The following OTOG variants were observed in gnomAD, a reference collection of about 807,000 sequenced individuals.
OTOG encodes otogelin.
OTOG carries 296 observed loss-of-function variants against 313.8 expected under a neutral mutation model. That is an observed-to-expected ratio of 0.94 (90% CI 0.86 to 1.04). The LOEUF (loss-of-function observed/expected upper bound fraction) is 1.04. OTOG is among the 50% of genes least tolerant of loss of function. The probability of loss-of-function intolerance (pLI) is 0.00; values close to 1 mark genes in which losing one functional copy is unlikely to be tolerated. For synonymous variants in OTOG, 1,533 were observed against 1,554.9 expected (o/e 0.99, Z 0.33); for missense variants, 3,948 against 3,840.1 (o/e 1.03, Z -0.74).
chr11:17,634,595 G>C (rs188072989), intron 44 of OTOG, among the ~76,000 whole-genome samples: 5 of 152,100 alleles, frequency 3.3e-5, no homozygotes, highest in African/African-American at 1.2e-4. Flanking sequence ...AAGATCGATC[G>C]GGCCCATCTT....
chr11:17,633,708 C>T lies in OTOG; in HGVS notation c.7101C>T (p.Tyr2367=), dbSNP rs1854188388. The change falls in exon 43 of 56, where the codon TAC becomes TAT. Residue 2367 remains tyrosine, a synonymous_variant. Coordinates refer to ENST00000399397, the MANE Select transcript of OTOG (RefSeq NM_001292063.2). ...TCCTGTGCTCCAGCGACTCCACATA[C>T]CAGGCATGTGTGACAGCCTGTGAGC... The part of the protein sequence containing the change: ...CPFLCSSDST[Y]QACVTACEPP... 1.3e-6 allele frequency: 2 copies of T among 1,547,414 alleles called. No homozygotes were observed. The highest frequency in any genetic ancestry group is 1.7e-6 in the Non-Finnish European group (2 of 1,145,474).
chr11:17,568,910 G>T (rs979231410), intron 15 of OTOG, among the ~76,000 whole-genome samples: 1 of 152,224 alleles, frequency 6.6e-6, no homozygotes, highest in African/African-American at 2.4e-5. Context: ...TAACCTGAGA[G>T]TTGACTACCA....
rs117542870 is a variant in OTOG at position 17,618,494 on chromosome 11, T to C, written c.6528+4793T>C. ...TACATTTAGTAAGATTTATTTTATG[T>C]CCGAGAATATGCTCTAAGTAAGTGT... On this transcript the variant is annotated intron_variant, in intron 39 of 55. Coordinates refer to ENST00000399397, the MANE Select transcript of OTOG (RefSeq NM_001292063.2). Among the ~76,000 whole-genome samples, 487 of 152,342 alleles carry C rather than the reference T, an allele frequency of 3.2e-3. 2 individuals carry two copies. The highest frequency in any genetic ancestry group is 4.9e-3 in the Non-Finnish European group (335 of 68,030).
intron 7 of OTOG, among the ~76,000 whole-genome samples, chr11:17,556,306 C>T (rs1852056615): frequency 6.6e-6 from 1 of 152,168 alleles, no homozygotes; most frequent in Non-Finnish European, 1.5e-5. Context: ...TGTCAGTTAT[C>T]TTGCTGGGCC....
In OTOG at chr11:17,610,206, C is replaced by T. The variant is rs554471881; in HGVS notation, c.4906C>T (p.Gln1636Ter). Residue 1636 changes from glutamine to a stop codon, truncating the protein, a stop_gained, in exon 36 of 56, where the codon CAG (glutamine) becomes TAG (stop). Transcript: ENST00000399397. LOFTEE classifies it high-confidence loss of function. ...GSLPVRTTPP[Q>*]PSLTASPSSR... ...CTTGCCTGTTAGGACGACACCCCCA[C>T]AGCCCTCCTTGACAGCAAGTCCCTC... 6.4e-7 allele frequency: 1 copy of T among 1,550,550 alleles called. No individual in the cohort carries two copies. The highest frequency in any genetic ancestry group is 2.4e-5 in the East Asian group (1 of 40,914).
At chr11:17,613,195 T>TTTTCTTTCTTTCTTTCTTTCTTTCTTTC (rs1191747829) in intron 38 of OTOG, among the ~76,000 whole-genome samples, 33 of 65,364 alleles carry the variant, frequency 5.0e-4, no homozygotes, top group East Asian at 1.5e-3. Context: ...TCTTTCTTTC[T>TTTTCTTTCTTTCTTTCTTTCTTTCTTTC]TTTCTTTCTT....
chr11:17,547,556 A>T (rs1851836198), intron 1 of OTOG, 90 bp downstream of exon 1: 3 of 1,271,668 alleles, frequency 2.4e-6, no homozygotes, highest in Non-Finnish European at 3.0e-6. Flanking sequence ...GGTTGGAGAG[A>T]GGGAGGAAAG....
At chr11:17,576,733 C>G (rs1852536358) in intron 21 of OTOG, 103 bp downstream of exon 21, 5 of 1,453,060 alleles carry the variant, frequency 3.4e-6, no homozygotes, top group Non-Finnish European at 4.7e-6. Context: ...ACACCCAGCC[C>G]TGCTCTGTGC....
chr11:17,557,345 T>A, intron 8 of OTOG, 22 bp downstream of exon 8: 3 of 1,548,620 alleles, frequency 1.9e-6, no homozygotes, highest in South Asian at 2.4e-5. Flanking sequence ...ACAGGTGGCC[T>A]CTGAGGGGTG....
intron 15 of OTOG, among the ~76,000 whole-genome samples, chr11:17,568,218 C>G (rs1163123128): frequency 3.3e-5 from 5 of 152,146 alleles, no homozygotes; most frequent in Admixed American, 3.3e-4. Context: ...GTAACACTTT[C>G]TTAATCAGAT....
At position 17,573,127 on chromosome 11, in the gene OTOG, G is replaced by T; in HGVS notation, c.2130G>T (p.Ala710=). The T allele has an allele frequency of 6.5e-7, 1 of 1,547,230 alleles. No individual in the cohort carries two copies. The change falls in exon 19 of 56, where the codon GCG becomes GCT. Residue 710 remains alanine, a synonymous_variant. Transcript: ENST00000399397. ...ACSVLTGEMF[A]PCSAFLSPVP... ...GCGTGCTCACGGGGGAGATGTTTGC[G>T]CCCTGCTCTGCGTTCCTGAGCCCCG...
At chr11:17,574,489 T>C (rs1319663280) in intron 19 of OTOG, among the ~76,000 whole-genome samples, 7 of 152,126 alleles carry the variant, frequency 4.6e-5, no homozygotes, top group Admixed American at 4.6e-4. Context: ...AGGCTGAACT[T>C]GGTAGAAGGA....
rs887476134 is a variant in OTOG, at chr11:17,558,570, G to GC, written c.1035dup (p.Phe346LeufsTer2). ...ACGAGCAGTGTGAGGCTCTACTGCG[G>GC]CCCCCCTTTGACGCCTGCCACGCCT... On this transcript the variant is annotated frameshift_variant, in exon 10 of 56. Coordinates refer to ENST00000399397, the MANE Select transcript of OTOG (RefSeq NM_001292063.2). LOFTEE classifies it high-confidence loss of function. 2 of 1,550,332 alleles carry GC rather than the reference G, an allele frequency of 1.3e-6. No homozygotes were observed. The highest frequency in any genetic ancestry group is 2.4e-5 in the East Asian group (1 of 40,924).
In OTOG at chr11:17,586,600, C is replaced by T. The variant is rs1590021367; in HGVS notation, c.2867+19C>T. On this transcript the variant is annotated intron_variant, in intron 24 of 55. Coordinates refer to ENST00000399397, the MANE Select transcript of OTOG (RefSeq NM_001292063.2). Reference sequence around the variant, plus strand: ...ATACCTGGTAAGTGAGGGTCCCAAGCAGGCTTTGCTTTTTTGCTGGGAGGG... The same window carrying T: ...ATACCTGGTAAGTGAGGGTCCCAAGTAGGCTTTGCTTTTTTGCTGGGAGGG... The T allele has an allele frequency of 1.5e-6, 2 of 1,339,566 alleles. No individual in the cohort carries two copies. Among genetic ancestry groups the T allele is most frequent in the East Asian group, 3.0e-5 (1 of 33,142 alleles). 83.0% of individuals were successfully genotyped at this position (1,339,566 alleles called of 1,614,324 possible). A position where few individuals can be genotyped will look rare whatever the true frequency, so the allele number is the denominator to read the frequency against.
At chr11:17,640,506 C>G (rs1847946226) in intron 49 of OTOG, among the ~76,000 whole-genome samples, 1 of 152,234 alleles carries the variant, frequency 6.6e-6, no homozygotes, top group Admixed American at 6.5e-5. Context: ...GTGTGAGCCA[C>G]CCGGGGCTCT....
intron 39 of OTOG, among the ~76,000 whole-genome samples, chr11:17,626,814 ATCATAAAGCTCTT>A (rs139716010): frequency 0.14 from 21,494 of 152,034 alleles, 1,632 homozygotes; most frequent in Non-Finnish European, 0.18. Flanking sequence ...TATCATTTTC[ATCATAAAGCTCTT>A]TCACTTCTTT....
chr11:17,560,981 C>T (rs1025518714), intron 13 of OTOG, 110 bp from the exon 14 acceptor site: 3 of 1,316,034 alleles, frequency 2.3e-6, no homozygotes, highest in Middle Eastern at 1.8e-4. Flanking sequence ...GAAATCTCTA[C>T]CACCCATTTT....
intron 37 of OTOG, 69 bp from the exon 38 acceptor site, chr11:17,612,551 C>G: frequency 1.3e-6 from 2 of 1,490,660 alleles, no homozygotes; most frequent in Admixed American, 2.2e-5. Context: ...GGAACCTGCC[C>G]CATCTTCCTA....
In OTOG at chr11:17,558,171, G is replaced by T. The variant is rs939924649; in HGVS notation, c.866-14G>T. The T allele has an allele frequency of 1.6e-5, 25 of 1,550,180 alleles. No homozygotes were observed. The highest frequency in any genetic ancestry group is 2.0e-5 in the Non-Finnish European group (23 of 1,146,942). On this transcript the variant is annotated splice_polypyrimidine_tract_variant and intron_variant, in intron 8 of 55. Transcript: ENST00000399397. ...CCATCGCTGCCCCATCATGATGTCA[G>T]CTCCCTCCTCCAGGGAAGCTGACTG...
Sources: gnomAD v4.1 joint callset for allele counts (sites outside exome capture counted in the v4.1 genomes callset) on GRCh38, gnomAD v4.1.1 for gene constraint, MANE v1.5 for transcripts, NCBI Gene and HGNC (gene_info 2026-07-23, HGNC 2026-07-21) for gene names.